Variants in DCLK3 observed in about 807,000 individuals in gnomAD.
The protein encoded by DCLK3 is doublecortin like kinase 3.
Under a neutral mutation model 46.4 loss-of-function variants are expected in DCLK3, and 30 were observed. The observed-to-expected ratio is 0.65, with a 90% CI of 0.48 to 0.88. DCLK3 has a LOEUF of 0.88. Ranked by LOEUF, DCLK3 falls within the 40% of genes least tolerant of loss-of-function variation. The pLI is 0.00. For missense variants in DCLK3, 846 were observed against 907.1 expected, an observed-to-expected ratio of 0.93 and a Z score of 0.87; for synonymous variants, 401 against 339.2, an observed-to-expected ratio of 1.18 and a Z score of -2.00.
intron 1 of DCLK3, among the ~76,000 whole-genome samples, chr3:36,755,431 T>C (rs1701477457): frequency 6.6e-6 from 1 of 152,142 alleles, no homozygotes; most frequent in East Asian, 1.9e-4. Flanking sequence ...TGAAAGGTGA[T>C]TACAAACTAG....
chr3:36,743,273 C>CAA (rs11391557), intron 1 of DCLK3, among the ~76,000 whole-genome samples: 16,966 of 117,752 alleles, frequency 0.14, 1,708 homozygotes, highest in Non-Finnish European at 0.2. Context: ...TCCCAAAATC[C>CAA]AAAAAAAAAA....
rs867509081 is a variant in DCLK3, at chr3:36,718,079, C to T, written c.2191G>A (p.Glu731Lys). 5.0e-6 allele frequency: 8 copies of T among 1,614,012 alleles called. No homozygotes were observed. The highest frequency in any genetic ancestry group is 1.3e-5 in the African/African-American group (1 of 74,908). ...PFRSPERDQD[E>K]LFNIIQLGHF... ...CCCAGCTGGATGATGTTAAAGAGCT[C>T]GTCCTGGTCCCTCTCAGGGCTGCGG... The change falls in exon 4 of 5, where the codon GAG (glutamate) becomes AAG (lysine). Residue 731 changes from glutamate to lysine, a missense_variant. Physicochemically the swap from Glu to Lys is moderately conservative, Grantham distance 56. Around this residue, in one of 3 missense-constraint regions of DCLK3, gnomAD observed 247 missense variants for 322.8 expected, o/e 0.77. Transcript: ENST00000636136.
intron 1 of DCLK3, among the ~76,000 whole-genome samples, chr3:36,761,865 G>A (rs1233942269): frequency 6.6e-6 from 1 of 152,238 alleles, no homozygotes; most frequent in East Asian, 1.9e-4. Context: ...AGCCAAAGCA[G>A]CCCTTTTCCT....
rs185470078 is a variant in DCLK3 at position 36,734,199 on chromosome 3, T to C, written c.1959+3009A>G. On this transcript the variant is annotated intron_variant, in intron 2 of 4. Coordinates refer to ENST00000636136, the MANE Select transcript of DCLK3 (RefSeq NM_001394672.2). ...GTAATTATATCAGCAACTTTAGAGA[T>C]AACACCTTGCTAAACCCAGACAATG... is the stretch of plus-strand genomic sequence containing the variant. Among the ~76,000 whole-genome samples the C allele has an allele frequency of 6.1e-3, 932 of 152,340 alleles. 10 individuals are homozygous for C. The highest frequency in any genetic ancestry group is 0.016 in the African/African-American group (661 of 41,574).
chr3:36,717,882 G>A lies in DCLK3; in HGVS notation c.2260+128C>T. On this transcript the variant is annotated intron_variant, in intron 4 of 4. Transcript: ENST00000636136. ...CACAAACCTACATGAAGCTACTGAG[G>A]AAGTAAAGGCTGAGACATGACATGT... 4.1e-6 allele frequency: 5 copies of A among 1,228,854 alleles called. No individual in the cohort carries two copies. The South Asian group carries it at 7.2e-5, about 18-fold the overall frequency. 76.1% of individuals were successfully genotyped at this position (1,228,854 alleles called of 1,614,324 possible).
At chr3:36,716,649 G>C (rs889710098) in intron 4 of DCLK3, among the ~76,000 whole-genome samples, 1 of 152,274 alleles carries the variant, frequency 6.6e-6, no homozygotes, top group Admixed American at 6.5e-5. Context: ...ATAGTGGGAA[G>C]AGGCTGGAAA....
At position 36,738,817 on chromosome 3, in the gene DCLK3, C is replaced by G; in HGVS notation, c.350G>C (p.Arg117Pro). 1 of 938,164 alleles carries G rather than the reference C, an allele frequency of 1.1e-6. No homozygotes were observed. The highest frequency in any genetic ancestry group is 1.4e-6 in the Non-Finnish European group (1 of 698,482). 58.1% of individuals were successfully genotyped at this position (938,164 alleles called of 1,614,324 possible). The change falls in exon 2 of 5, where the codon CGA (arginine) becomes CCA (proline). Residue 117 changes from arginine (R) to proline (P), a missense_variant. This residue lies in a region of DCLK3 where 553 missense variants were observed against 543.0 expected (regional missense o/e 1.02). Coordinates refer to ENST00000636136, the MANE Select transcript of DCLK3 (RefSeq NM_001394672.2). Reference sequence around the variant, plus strand: ...GAGCTGCTCGAACGTCTGCACTGATCGCCTGTTGAGGAGCAGAGTGATCTT... The same window carrying G: ...GAGCTGCTCGAACGTCTGCACTGATGGCCTGTTGAGGAGCAGAGTGATCTT... ...PRKITLLLNR[R>P]SVQTFEQLLA...
At chr3:36,727,943 A>G (rs1455006316) in intron 2 of DCLK3, among the ~76,000 whole-genome samples, 1 of 152,232 alleles carries the variant, frequency 6.6e-6, no homozygotes, top group African/African-American at 2.4e-5. Context: ...ATGTTGTCCT[A>G]GAATAATTCT....
chr3:36,763,721 A>G (rs1048307521), intron 1 of DCLK3, among the ~76,000 whole-genome samples: 1 of 152,212 alleles, frequency 6.6e-6, no homozygotes, highest in Non-Finnish European at 1.5e-5. Context: ...AGAAATGGGG[A>G]TAATTCCATT....
chr3:36,757,183 G>C (rs184048207), intron 1 of DCLK3, among the ~76,000 whole-genome samples: 51 of 152,068 alleles, frequency 3.4e-4, no homozygotes, highest in Admixed American at 5.9e-4. Flanking sequence ...GTTTATTTTC[G>C]GTTTGTGAAA....
intron 1 of DCLK3, among the ~76,000 whole-genome samples, chr3:36,757,690 A>T (rs182539556): frequency 2.6e-5 from 4 of 152,288 alleles, no homozygotes; most frequent in Admixed American, 6.5e-5. Flanking sequence ...TCAGTGAGAA[A>T]AGATGGGATG....
chr3:36,742,041 T>C (rs1419329587), intron 1 of DCLK3, among the ~76,000 whole-genome samples: 3 of 151,924 alleles, frequency 2.0e-5, no homozygotes, highest in South Asian at 4.2e-4. Flanking sequence ...TAGAAGGAGG[T>C]TCAGGAAAGC....
chr3:36,755,691 G>A (rs1316148050), intron 1 of DCLK3, among the ~76,000 whole-genome samples: 1 of 152,100 alleles, frequency 6.6e-6, no homozygotes, highest in East Asian at 1.9e-4. Flanking sequence ...ACCAGTGTAG[G>A]ATGGAGAAGT....
At chr3:36,751,577 T>A (rs552024119) in intron 1 of DCLK3, among the ~76,000 whole-genome samples, 1 of 152,240 alleles carries the variant, frequency 6.6e-6, no homozygotes, top group Non-Finnish European at 1.5e-5. Context: ...TTTGAAAGCA[T>A]CAGACACAAA....
At chr3:36,760,934 A>G (rs1413089096) in intron 1 of DCLK3, among the ~76,000 whole-genome samples, 1 of 152,264 alleles carries the variant, frequency 6.6e-6, no homozygotes, top group Non-Finnish European at 1.5e-5. Flanking sequence ...GGCTCAGAGT[A>G]GTTGGGTATC....
At chr3:36,716,282 TTTG>T (rs1233571726) in intron 4 of DCLK3, among the ~76,000 whole-genome samples, 3 of 152,086 alleles carry the variant, frequency 2.0e-5, no homozygotes, top group Non-Finnish European at 4.4e-5. Flanking sequence ...ACATCCACTT[TTTG>T]TTGTTGTTAT....
chr3:36,732,940 G>A (rs920102027), intron 2 of DCLK3, among the ~76,000 whole-genome samples: 2 of 152,214 alleles, frequency 1.3e-5, no homozygotes. Flanking sequence ...GACCAAGAAA[G>A]TGATTGAACA....
Position 36,721,876 on chromosome 3 carries a change from A to G in DCLK3, c.1960-217T>C, listed in dbSNP as rs368148570. Among the ~76,000 whole-genome samples, 33 of 152,360 alleles carry G rather than the reference A, an allele frequency of 2.2e-4. No individual in the cohort carries two copies. The East Asian group carries it at 5.8e-3, about 27-fold the overall frequency. On this transcript the variant is annotated intron_variant, in intron 2 of 4. Transcript: ENST00000636136. ...TGAGTTAGATTTACTAGGCCGTCCA[A>G]TATGGTAGCACCATATTGTCACAAG...
chr3:36,761,640 C>T (rs759681677), intron 1 of DCLK3, among the ~76,000 whole-genome samples: 2 of 152,154 alleles, frequency 1.3e-5, no homozygotes, highest in Non-Finnish European at 2.9e-5. Flanking sequence ...ACTCAGGATG[C>T]CAGATCAGAT....
Sources: allele counts gnomAD v4.1 joint callset (sites outside exome capture counted in the v4.1 genomes callset), GRCh38; gene constraint gnomAD v4.1.1; regional missense constraint gnomAD v4.1.1; transcripts MANE v1.5; gene names NCBI Gene and HGNC (gene_info 2026-07-23, HGNC 2026-07-21).